DAOA: variants seen among roughly 807,000 people sequenced by gnomAD.
DAOA encodes D-amino acid oxidase activator.
DAOA carries 15 observed loss-of-function variants against 16.4 expected under a neutral mutation model. The observed-to-expected ratio is 0.91, with a 90% CI of 0.61 to 1.41. The LOEUF (loss-of-function observed/expected upper bound fraction) is 1.41. DAOA is among the 40% of genes most tolerant of loss of function. DAOA has a pLI of 0.00. For missense variants in DAOA, 230 were observed against 176.8 expected, an observed-to-expected ratio of 1.30 and a Z score of -1.71; for synonymous variants, 75 against 59.1, an observed-to-expected ratio of 1.27 and a Z score of -1.23.
chr13:105,489,898 C>T lies in DAOA; in HGVS notation c.282-3C>T, dbSNP rs370205335. 10 of 1,613,792 alleles carry T rather than the reference C, an allele frequency of 6.2e-6. No homozygotes were observed. The highest frequency in any genetic ancestry group is 8.5e-6 in the Non-Finnish European group (10 of 1,179,886). ...GGCCAACTGAGACCGGATCTCCTTA[C>T]AGGCTTGAAGAAGTAAGCAGCCATG... On this transcript the variant is annotated splice_polypyrimidine_tract_variant and splice_region_variant and intron_variant, in intron 4 of 5. Transcript: ENST00000375936.
intron 4 of DAOA, among the ~76,000 whole-genome samples, chr13:105,486,707 C>T (rs937385379): frequency 5.9e-5 from 9 of 151,902 alleles, no homozygotes; most frequent in African/African-American, 1.7e-4. Context: ...CAACCTCTGC[C>T]TCCCAGGTTC....
chr13:105,469,087 C>T (rs1231230206), intron 3 of DAOA, among the ~76,000 whole-genome samples: 2 of 152,132 alleles, frequency 1.3e-5, no homozygotes, highest in Non-Finnish European at 2.9e-5. Context: ...CAGAAGTAGA[C>T]AAGGCATCTA....
intron 3 of DAOA, 96 bp downstream of exon 3, chr13:105,467,237 C>A (rs181495450): frequency 3.1e-6 from 4 of 1,275,292 alleles, no homozygotes; most frequent in South Asian, 3.1e-5. Flanking sequence ...TATTTTCAAG[C>A]GTAGACAAAC....
rs116716877 is a variant in DAOA at position 105,476,771 on chromosome 13, T to C, written c.281+4086T>C. ...GAGTTAGAGTACCTGGTGAGTACTC[T>C]AACTCAAAACGTTTGAGTCTCAGCA... On this transcript the variant is annotated intron_variant, in intron 4 of 5. Transcript: ENST00000375936. Among the ~76,000 whole-genome samples the C allele has an allele frequency of 5.2e-3, 786 of 152,136 alleles. 7 individuals carry two copies. The highest frequency in any genetic ancestry group is 0.018 in the African/African-American group (735 of 41,488).
intron 4 of DAOA, among the ~76,000 whole-genome samples, chr13:105,480,403 A>G (rs996230315): frequency 3.3e-5 from 5 of 152,046 alleles, no homozygotes; most frequent in African/African-American, 9.7e-5. Flanking sequence ...AGGAATGTCA[A>G]TGGTAGACAT....
chr13:105,489,639 C>A, intron 4 of DAOA: 5 of 734,444 alleles, frequency 6.8e-6, no homozygotes, highest in Non-Finnish European at 1.1e-5. Context: ...AATTCTCAGG[C>A]AATTCCTACA....
At chr13:105,473,819 T>A (rs1221369681) in intron 4 of DAOA, among the ~76,000 whole-genome samples, 1 of 152,108 alleles carries the variant, frequency 6.6e-6, no homozygotes, top group Non-Finnish European at 1.5e-5. Flanking sequence ...TCATTTTCAA[T>A]CTAGAGTTCC....
In DAOA at chr13:105,489,841, C is replaced by A. The variant is rs755908316; in HGVS notation, c.282-60C>A. 3.1e-6 allele frequency: 5 copies of A among 1,613,618 alleles called. No individual in the cohort carries two copies. The East Asian group carries it at 1.1e-4, about 36-fold the overall frequency. ...ACATGGGAAAGGTGATGACACTTGA[C>A]TCCGGTGATGAGGTTACCTTTCACA... On this transcript the variant is annotated intron_variant, in intron 4 of 5. Transcript: ENST00000375936.
chr13:105,470,641 G>C (rs1876864243), intron 3 of DAOA, among the ~76,000 whole-genome samples: 2 of 151,928 alleles, frequency 1.3e-5, no homozygotes, highest in Non-Finnish European at 1.5e-5. Context: ...ACAGAGTCTT[G>C]CTCCGTTGCC....
chr13:105,468,915 C>A (rs545754682), intron 3 of DAOA, among the ~76,000 whole-genome samples: 170 of 152,278 alleles, frequency 1.1e-3, no homozygotes, highest in African/African-American at 3.9e-3. Context: ...TATCTATTTG[C>A]GTGCTAGTCT....
intron 4 of DAOA, chr13:105,475,157 C>T: frequency 1.0e-5 from 5 of 498,898 alleles, no homozygotes; most frequent in Non-Finnish European, 1.3e-5. Context: ...GACTCCTGGG[C>T]CTTCATTCTT....
chr13:105,469,956 A>G (rs79810881), intron 3 of DAOA, among the ~76,000 whole-genome samples: 5,590 of 152,070 alleles, frequency 0.037, 127 homozygotes, highest in East Asian at 0.066. Context: ...GGCTATTTTT[A>G]GTTTTTTATT....
chr13:105,466,116 G>T, intron 1 of DAOA, 56 bp downstream of exon 1: 1 of 911,904 alleles, frequency 1.1e-6, no homozygotes, highest in Non-Finnish European at 1.6e-6. Context: ...GCTCCTGCAT[G>T]GCAGTGTTCT....
chr13:105,485,203 T>C (rs553200911), intron 4 of DAOA, among the ~76,000 whole-genome samples: 1 of 152,216 alleles, frequency 6.6e-6, no homozygotes, highest in Non-Finnish European at 1.5e-5. Flanking sequence ...CACTTATCTC[T>C]CCAACTCAAA....
At chr13:105,475,835 T>C (rs951175353) in intron 4 of DAOA, among the ~76,000 whole-genome samples, 2 of 152,164 alleles carry the variant, frequency 1.3e-5, no homozygotes, top group Non-Finnish European at 2.9e-5. Flanking sequence ...AAGTAAGATG[T>C]TGGTAGTGTC....
chr13:105,484,974 G>A (rs778300852), intron 4 of DAOA, among the ~76,000 whole-genome samples: 13 of 152,156 alleles, frequency 8.5e-5, no homozygotes, highest in South Asian at 2.1e-4. Context: ...TAAAACCATC[G>A]TTTCAAATGT....
At chr13:105,480,563 G>GATAC in intron 4 of DAOA, among the ~76,000 whole-genome samples, 1 of 148,418 alleles carries the variant, frequency 6.7e-6, no homozygotes, top group South Asian at 2.1e-4. Flanking sequence ...TAGATAGATA[G>GATAC]ATAGATAGCA....
chr13:105,481,094 T>C (rs1877715023), intron 4 of DAOA, among the ~76,000 whole-genome samples: 1 of 152,216 alleles, frequency 6.6e-6, no homozygotes, highest in Non-Finnish European at 1.5e-5. Context: ...TCTAGTAATG[T>C]GGATTTCCAT....
At chr13:105,471,121 C>G (rs755446901) in intron 3 of DAOA, among the ~76,000 whole-genome samples, 6 of 151,978 alleles carry the variant, frequency 3.9e-5, no homozygotes, top group African/African-American at 7.3e-5. Context: ...GACAGGGTTT[C>G]ACCATGTTGG....
Sources: gnomAD v4.1 joint callset for allele counts (sites outside exome capture counted in the v4.1 genomes callset) on GRCh38, gnomAD v4.1.1 for gene constraint, MANE v1.5 for transcripts, NCBI Gene and HGNC (gene_info 2026-07-23, HGNC 2026-07-21) for gene names.